EPHA6: variants seen among roughly 807,000 people sequenced by gnomAD.
EPHA6 encodes EPH receptor A6.
EPHA6 carries 50 observed loss-of-function variants against 112.0 expected under a neutral mutation model. The ratio of observed to expected loss-of-function variants is 0.45; its 90% CI spans 0.36 to 0.56. The LOEUF (loss-of-function observed/expected upper bound fraction) is 0.56. EPHA6 is among the 20% of genes least tolerant of loss of function. The probability of loss-of-function intolerance (pLI) is 0.00; values close to 1 mark genes in which losing one functional copy is unlikely to be tolerated. For missense variants in EPHA6, 1,280 were observed against 1,417.4 expected (o/e 0.90, Z 1.56); for synonymous variants, 529 against 490.7 (o/e 1.08, Z -1.03).
chr3:97,447,732 C>T (rs2090396414), intron 6 of EPHA6: 1 of 1,011,538 alleles, frequency 9.9e-7, no homozygotes. Context: ...TCCAGAATGC[C>T]CTGGCAAGTT....
At chr3:96,843,360 T>C (rs2034867381) in intron 1 of EPHA6, among the ~76,000 whole-genome samples, 1 of 152,086 alleles carries the variant, frequency 6.6e-6, no homozygotes, top group Admixed American at 6.6e-5. Context: ...TGGGACTTGA[T>C]AGTTAAGGGA....
chr3:97,734,212 A>G (rs192056817), intron 15 of EPHA6, among the ~76,000 whole-genome samples: 25 of 152,174 alleles, frequency 1.6e-4, no homozygotes, highest in Admixed American at 1.0e-3. Context: ...ATTTTATTCC[A>G]TGCATTTATA....
intron 1 of EPHA6, among the ~76,000 whole-genome samples, chr3:96,838,222 C>T (rs1036731197): frequency 6.6e-6 from 1 of 152,108 alleles, no homozygotes; most frequent in Non-Finnish European, 1.5e-5. Context: ...ATGCAAAGTA[C>T]ATTATCTCCT....
intron 2 of EPHA6, among the ~76,000 whole-genome samples, chr3:96,905,914 A>G (rs2038908559): frequency 6.6e-6 from 1 of 152,090 alleles, no homozygotes; most frequent in African/African-American, 2.4e-5. Context: ...GTAAGTACAT[A>G]CATAAACAAT....
chr3:97,001,143 A>G (rs1332352653), intron 3 of EPHA6, among the ~76,000 whole-genome samples: 1 of 151,312 alleles, frequency 6.6e-6, no homozygotes, highest in Non-Finnish European at 1.5e-5. Context: ...TTCTCTTTAT[A>G]TAGAAATAAA....
intron 14 of EPHA6, among the ~76,000 whole-genome samples, chr3:97,653,229 G>T (rs961245737): frequency 6.6e-6 from 1 of 151,898 alleles, no homozygotes; most frequent in Admixed American, 6.6e-5. Flanking sequence ...ACAACCTACA[G>T]AATGAGAGAA....
intron 3 of EPHA6, among the ~76,000 whole-genome samples, chr3:97,051,984 G>A (rs1371324458): frequency 6.6e-6 from 1 of 152,078 alleles, no homozygotes; most frequent in African/African-American, 2.4e-5. Context: ...TAATAGTAAT[G>A]TTTAATATGT....
intron 3 of EPHA6, among the ~76,000 whole-genome samples, chr3:97,170,613 T>G (rs2076672789): frequency 6.6e-6 from 1 of 152,058 alleles, no homozygotes; most frequent in Non-Finnish European, 1.5e-5. Context: ...GGTGCATGTC[T>G]CTAGTCCCAG....
chr3:97,430,939 C>G (rs1464537379), intron 6 of EPHA6, among the ~76,000 whole-genome samples: 1 of 151,932 alleles, frequency 6.6e-6, no homozygotes, highest in Admixed American at 6.6e-5. Flanking sequence ...TTTAATATCA[C>G]GTATTTGCAG....
intron 14 of EPHA6, among the ~76,000 whole-genome samples, chr3:97,712,268 T>G (rs2034007252): frequency 6.6e-6 from 1 of 152,152 alleles, no homozygotes; most frequent in South Asian, 2.1e-4. Context: ...GGGTAGGTAG[T>G]CTTCTGTACA....
chr3:97,488,284 T>C (rs1225302160), intron 10 of EPHA6, among the ~76,000 whole-genome samples: 1 of 152,240 alleles, frequency 6.6e-6, no homozygotes, highest in Non-Finnish European at 1.5e-5. Flanking sequence ...ATTTTTTCTC[T>C]TTCTAGAATA....
intron 3 of EPHA6, among the ~76,000 whole-genome samples, chr3:97,208,484 G>A (rs1349123382): frequency 6.6e-6 from 1 of 152,146 alleles, no homozygotes; most frequent in Non-Finnish European, 1.5e-5. Context: ...AGTAGCTCAT[G>A]CCTGTAATCC....
intron 3 of EPHA6, among the ~76,000 whole-genome samples, chr3:97,104,483 C>G (rs1370282194): frequency 6.6e-6 from 1 of 152,006 alleles, no homozygotes; most frequent in African/African-American, 2.4e-5. Flanking sequence ...ACTTGCATCC[C>G]AGGGATGAAG....
rs537632653 is a variant in EPHA6 at position 96,851,627 on chromosome 3, A to C, written c.386-15198A>C. Among the ~76,000 whole-genome samples the C allele has an allele frequency of 8.5e-5, 13 of 152,274 alleles. No homozygotes were observed. In the South Asian group the frequency reaches 2.5e-3, roughly 29 times the overall value. ...GTGCATTAGTTTAAGGAGACCCGTT[A>C]AACTTGCCACTTCCCCACCTGGTGA... On this transcript the variant is annotated intron_variant, in intron 1 of 17. Coordinates refer to ENST00000389672, the MANE Select transcript of EPHA6 (RefSeq NM_001080448.3).
chr3:97,454,493 CA>C (rs1484118150), intron 7 of EPHA6, among the ~76,000 whole-genome samples: 1 of 151,604 alleles, frequency 6.6e-6, no homozygotes, highest in African/African-American at 2.4e-5. Context: ...CCTACCAGTT[CA>C]AAAAGAAAGA....
intron 3 of EPHA6, among the ~76,000 whole-genome samples, chr3:97,164,904 A>T (rs2076504317): frequency 6.6e-6 from 1 of 151,964 alleles, no homozygotes; most frequent in Admixed American, 6.6e-5. Context: ...CTCTTTAATC[A>T]TTTCTGCCAC....
chr3:97,013,213 G>A (rs568598230), intron 3 of EPHA6, among the ~76,000 whole-genome samples: 17 of 151,942 alleles, frequency 1.1e-4, no homozygotes, highest in Admixed American at 1.3e-4. Flanking sequence ...TTTCTTCTAC[G>A]ATTGTTGTAG....
chr3:97,746,203 G>T (rs1158246314), intron 16 of EPHA6, among the ~76,000 whole-genome samples: 1 of 151,686 alleles, frequency 6.6e-6, no homozygotes, highest in Non-Finnish European at 1.5e-5. Flanking sequence ...ATAACTCAGT[G>T]ATTCACTTCT....
chr3:97,749,201 A>C lies in EPHA6; in HGVS notation c.*500A>C, dbSNP rs2035833951. 1 of 222,284 alleles carries C rather than the reference A, an allele frequency of 4.5e-6. No homozygotes were observed. The allele number at this position is 222,284 out of a possible 1,614,324, so 13.8% of individuals were successfully genotyped here. The stretch of plus-strand genomic sequence containing the variant: ...TTATTACTTTATTTTTTAATACTTT[A>C]ACTGTTGGTGCCTGATATTGTTAGA... On this transcript the variant is annotated 3_prime_UTR_variant, in exon 18 of 18. Transcript: ENST00000389672.
Sources: allele counts gnomAD v4.1 joint callset (sites outside exome capture counted in the v4.1 genomes callset), GRCh38; gene constraint gnomAD v4.1.1; transcripts MANE v1.5; gene names NCBI Gene and HGNC (gene_info 2026-07-23, HGNC 2026-07-21).